The following SORCS1 variants were observed in gnomAD, a reference collection of about 807,000 sequenced individuals.
SORCS1 encodes the protein sortilin related VPS10 domain containing receptor 1, also known as VPS10 domain-containing receptor SorCS1.
A neutral mutation model predicts 146.1 loss-of-function variants in SORCS1; 60 were observed. The ratio of observed to expected loss-of-function variants is 0.41; its 90% CI spans 0.33 to 0.51. The LOEUF is 0.51. Ranked by LOEUF, SORCS1 falls within the 20% of genes least tolerant of loss-of-function variation. SORCS1 has a pLI of 0.21. For missense variants in SORCS1, 1,352 were observed against 1,487.6 expected (o/e 0.91, Z 1.50); for synonymous variants, 637 against 584.0 (o/e 1.09, Z -1.31).
chr10:106,708,955 C>T (rs181324489), intron 7 of SORCS1, among the ~76,000 whole-genome samples: 58 of 152,300 alleles, frequency 3.8e-4, no homozygotes, highest in African/African-American at 1.3e-3. Context: ...TCTCACTACT[C>T]TGTGCGATGC....
At position 106,861,250 on chromosome 10, in the gene SORCS1, A is replaced by G. The variant is rs148176068; in HGVS notation, c.627-31577T>C. On this transcript the variant is annotated intron_variant, in intron 2 of 25. Coordinates refer to ENST00000263054, the MANE Select transcript of SORCS1 (RefSeq NM_052918.5). ...TTGTCTCTACTAAAATACAAAAAAA[A>G]TTAGCCAGGCATGGTGGCATGTGCC... 9.2e-3 allele frequency among the ~76,000 whole-genome samples: 1,396 copies of G among 152,096 alleles called. 27 individuals are homozygous for G. Among genetic ancestry groups the G allele is most frequent in the African/African-American group, 0.032 (1,333 of 41,486 alleles).
chr10:106,891,504 C>CTTTTTTTTTTTTTTTTTTTTTTTTTTTT lies in SORCS1; in HGVS notation c.627-61832_627-61831insAAAAAAAAAAAAAAAAAAAAAAAAAAAA, dbSNP rs760812204. Among the ~76,000 whole-genome samples the CTTTTTTTTTTTTTTTTTTTTTTTTTTTT allele has an allele frequency of 4.4e-3, 424 of 97,060 alleles. 81 individuals are homozygous for CTTTTTTTTTTTTTTTTTTTTTTTTTTTT. Among genetic ancestry groups the CTTTTTTTTTTTTTTTTTTTTTTTTTTTT allele is most frequent in the Middle Eastern group, 0.016 (3 of 182 alleles). The allele number at this position is 97,060 out of a possible 152,430, so 63.7% of individuals were successfully genotyped here. On this transcript the variant is annotated intron_variant, in intron 2 of 25. Transcript: ENST00000263054. Reference sequence around the variant, plus strand: ...GTAATCAGAAGTTTCAATGGGAATTCTTTTTTTTTTTTTGAGAAAAGACCT... The same window carrying CTTTTTTTTTTTTTTTTTTTTTTTTTTTT: ...GTAATCAGAAGTTTCAATGGGAATTCTTTTTTTTTTTTTTTTTTTTTTTTTTTTTTTTTTTTTTTTTGAGAAAAGACCT...
chr10:106,712,690 ATTTCTGT>A (rs1157382294), intron 6 of SORCS1, among the ~76,000 whole-genome samples: 13 of 152,188 alleles, frequency 8.5e-5, no homozygotes, highest in Admixed American at 2.6e-4. Context: ...GAATGATAAT[ATTTCTGT>A]TTTCTGTTTT....
chr10:106,800,304 A>G (rs1038742374), intron 3 of SORCS1, among the ~76,000 whole-genome samples: 3 of 152,188 alleles, frequency 2.0e-5, no homozygotes, highest in East Asian at 3.8e-4. Context: ...TTTGAAAAAT[A>G]AAAAAGTATA....
chr10:107,112,115 T>A (rs1222715454), intron 1 of SORCS1, among the ~76,000 whole-genome samples: 1 of 152,030 alleles, frequency 6.6e-6, no homozygotes, highest in East Asian at 1.9e-4. Context: ...AATATTATAA[T>A]GGTGGCTTGC....
intron 1 of SORCS1, among the ~76,000 whole-genome samples, chr10:106,965,958 G>A (rs1279862394): frequency 6.6e-6 from 1 of 152,090 alleles, no homozygotes; most frequent in African/African-American, 2.4e-5. Context: ...GCATTTTGTG[G>A]TCATTTTAAA....
chr10:106,988,107 T>A (rs1276569203), intron 1 of SORCS1, among the ~76,000 whole-genome samples: 1 of 152,192 alleles, frequency 6.6e-6, no homozygotes, highest in Non-Finnish European at 1.5e-5. Context: ...TTTTCTGTAT[T>A]GTGACCAATT....
At chr10:106,866,636 C>T (rs533237115) in intron 2 of SORCS1, among the ~76,000 whole-genome samples, 1 of 152,246 alleles carries the variant, frequency 6.6e-6, no homozygotes, top group South Asian at 2.1e-4. Context: ...AACAAGGCTG[C>T]AAAGGAGAGG....
intron 2 of SORCS1, among the ~76,000 whole-genome samples, chr10:106,912,718 G>C (rs764568574): frequency 1.3e-5 from 2 of 151,884 alleles, no homozygotes; most frequent in Non-Finnish European, 2.9e-5. Context: ...TCATTCTGTC[G>C]CCCAGGCTGG....
intron 1 of SORCS1, among the ~76,000 whole-genome samples, chr10:107,118,848 A>G (rs1170071997): frequency 6.6e-6 from 1 of 152,218 alleles, no homozygotes; most frequent in African/African-American, 2.4e-5. Flanking sequence ...GATACAGACA[A>G]GACATGACAT....
At position 106,761,655 on chromosome 10, in the gene SORCS1, T is replaced by C. The variant is rs1285981841; in HGVS notation, c.892A>G (p.Ser298Gly). 1 of 1,613,998 alleles carries C rather than the reference T, an allele frequency of 6.2e-7. No homozygotes were observed. Among genetic ancestry groups the C allele is most frequent in the East Asian group, 2.2e-5 (1 of 44,890 alleles). The change falls in exon 5 of 26, where the codon AGC becomes GGC. Residue 298 changes from serine to glycine, a missense_variant. Ser to Gly is a moderately conservative substitution (Grantham distance 56). This residue lies in a region of SORCS1 where 490 missense variants were observed against 489.1 expected (regional missense o/e 1.00). Transcript: ENST00000263054. ...CATCTTCTCCCAAATTCAGCAGAGC[T>C]GTATAACTGTAAAGAACAGAAATTA... is the stretch of plus-strand genomic sequence containing the variant. ...LAYSQDQKLY[S>G]SAEFGRRWQL...
At chr10:106,774,551 C>G (rs1860284363) in intron 4 of SORCS1, among the ~76,000 whole-genome samples, 1 of 151,812 alleles carries the variant, frequency 6.6e-6, no homozygotes, top group Non-Finnish European at 1.5e-5. Context: ...ATGTATATGA[C>G]ATTCCTGTTG....
intron 2 of SORCS1, among the ~76,000 whole-genome samples, chr10:106,854,425 G>A (rs1949705123): frequency 6.6e-6 from 1 of 151,702 alleles, no homozygotes; most frequent in Non-Finnish European, 1.5e-5. Context: ...GTCTTAATTG[G>A]TATATTTAGG....
At chr10:107,065,350 C>T (rs527395662) in intron 1 of SORCS1, among the ~76,000 whole-genome samples, 6 of 151,684 alleles carry the variant, frequency 4.0e-5, no homozygotes, top group African/African-American at 1.5e-4. Flanking sequence ...ATAAAAAGAG[C>T]CACGGTTAAC....
At chr10:106,607,035 T>A in intron 23 of SORCS1, 131 bp downstream of exon 23, 2 of 1,207,940 alleles carry the variant, frequency 1.7e-6, no homozygotes, top group Non-Finnish European at 2.3e-6. Context: ...CTACCATGAA[T>A]GCTCTTGCAT....
intron 2 of SORCS1, among the ~76,000 whole-genome samples, chr10:106,830,598 A>C (rs1410978796): frequency 6.6e-6 from 1 of 150,838 alleles, no homozygotes; most frequent in African/African-American, 2.4e-5. Flanking sequence ...TTTTTAAAAA[A>C]ATTTAAAGAA....
intron 6 of SORCS1, among the ~76,000 whole-genome samples, chr10:106,714,143 A>AAC (rs1373250356): frequency 6.7e-6 from 1 of 149,336 alleles, no homozygotes; most frequent in Non-Finnish European, 1.5e-5. Flanking sequence ...CTCAAAAAAA[A>AAC]AAAAAAAAAA....
chr10:106,861,887 C>CA (rs1028641183), intron 2 of SORCS1, among the ~76,000 whole-genome samples: 1 of 151,722 alleles, frequency 6.6e-6, no homozygotes, highest in Non-Finnish European at 1.5e-5. Context: ...GACTCCATCT[C>CA]AAAAAAAAGT....
intron 3 of SORCS1, among the ~76,000 whole-genome samples, chr10:106,825,237 C>CA (rs1948243348): frequency 6.7e-6 from 1 of 148,766 alleles, no homozygotes; most frequent in Non-Finnish European, 1.5e-5. Context: ...CACATCAACT[C>CA]AGAGAATTTG....
Sources: gnomAD v4.1 joint callset for allele counts (sites outside exome capture counted in the v4.1 genomes callset) on GRCh38, gnomAD v4.1.1 for gene constraint, gnomAD v4.1.1 regional missense constraint, MANE v1.5 for transcripts, NCBI Gene and HGNC (gene_info 2026-07-23, HGNC 2026-07-21) for gene names.